Variants in IMPG1 observed in about 807,000 individuals in gnomAD.
IMPG1 encodes interphotoreceptor matrix proteoglycan 1.
In IMPG1, 85 loss-of-function variants were observed where a neutral mutation model predicts 92.0. The ratio of observed to expected loss-of-function variants is 0.92; its 90% CI spans 0.78 to 1.11. IMPG1 has a LOEUF of 1.11. IMPG1 is among the 50% of genes least tolerant of loss of function. The probability of loss-of-function intolerance (pLI) is 0.00; values close to 1 mark genes in which losing one functional copy is unlikely to be tolerated. For missense variants in IMPG1, 1,022 were observed against 956.0 expected, an observed-to-expected ratio of 1.07 and a Z score of -0.91; for synonymous variants, 367 against 334.1, an observed-to-expected ratio of 1.10 and a Z score of -1.08.
chr6:76,025,077 G>A (rs1306686146), intron 5 of IMPG1, 117 bp downstream of exon 5: 6 of 690,080 alleles, frequency 8.7e-6, no homozygotes, highest in South Asian at 5.0e-5. Flanking sequence ...ATATAAGCTA[G>A]TTTTGAGAAA....
chr6:76,061,808 A>T (rs1036789941), intron 1 of IMPG1, among the ~76,000 whole-genome samples: 1 of 152,202 alleles, frequency 6.6e-6, no homozygotes, highest in Non-Finnish European at 1.5e-5. Flanking sequence ...CACATATCAG[A>T]TGCAACTGGT....
At chr6:75,966,998 C>T (rs12663390) in intron 12 of IMPG1, among the ~76,000 whole-genome samples, 4,664 of 152,032 alleles carry the variant, frequency 0.031, 195 homozygotes, top group East Asian at 0.098. Context: ...GCCAACATGG[C>T]GAAAACCCAT....
chr6:75,924,694 A>T (rs369406883), intron 15 of IMPG1, among the ~76,000 whole-genome samples: 8,190 of 9,082 alleles, frequency 0.9, 3,689 homozygotes, highest in Middle Eastern at 1. Flanking sequence ...TTATATATAA[A>T]TAATTATATA....
At chr6:76,004,509 C>A (rs1230408260) in intron 10 of IMPG1, among the ~76,000 whole-genome samples, 1 of 152,130 alleles carries the variant, frequency 6.6e-6, no homozygotes, top group African/African-American at 2.4e-5. Flanking sequence ...GTTAAGAGTG[C>A]CTATCTTAGG....
Position 76,005,439 on chromosome 6 carries a change from T to C in IMPG1, c.983A>G (p.Asn328Ser). 6.2e-7 allele frequency: 1 copy of C among 1,614,060 alleles called. No homozygotes were observed. Among genetic ancestry groups the C allele is most frequent in the African/African-American group, 1.3e-5 (1 of 75,038 alleles). ...ATAGACTTCCTCACTTTCAATTTTGTTGGAATCAAAAGACAGGAGGTCACT... is the reference window on the plus strand; with the variant it reads ...ATAGACTTCCTCACTTTCAATTTTGCTGGAATCAAAAGACAGGAGGTCACT... Reference protein sequence around the residue: ...PASDLLSFDSNKIESEEVYHG... With the variant: ...PASDLLSFDSSKIESEEVYHG... The change falls in exon 10 of 17, where the codon AAC becomes AGC. Residue 328 changes from asparagine to serine, a missense_variant. By Grantham distance (46) the Asn-to-Ser change is conservative. Coordinates refer to ENST00000369950, the MANE Select transcript of IMPG1 (RefSeq NM_001563.4).
intron 1 of IMPG1, among the ~76,000 whole-genome samples, chr6:76,055,839 A>G (rs1562386435): frequency 6.6e-6 from 1 of 152,204 alleles, no homozygotes; most frequent in East Asian, 1.9e-4. Flanking sequence ...ATAAATTTGT[A>G]GAAACGTGTA....
chr6:75,924,490 T>TAATATA (rs1312742529), intron 15 of IMPG1, among the ~76,000 whole-genome samples: 46 of 81,806 alleles, frequency 5.6e-4, no homozygotes, highest in African/African-American at 2.6e-3. Context: ...TATTATAATA[T>TAATATA]AATATAATTA....
rs753153025 is a variant in IMPG1 at position 76,003,934 on chromosome 6, C to T, written c.1152G>A (p.Leu384=). The T allele has an allele frequency of 2.0e-5, 32 of 1,612,188 alleles. No homozygotes were observed. Among genetic ancestry groups the T allele is most frequent in the Non-Finnish European group, 2.6e-5 (31 of 1,179,198 alleles). The change falls in exon 11 of 17, where the codon CTG becomes CTA. Residue 384 remains leucine (L), a synonymous_variant. Coordinates refer to ENST00000369950, the MANE Select transcript of IMPG1 (RefSeq NM_001563.4). The stretch of plus-strand genomic sequence containing the variant: ...ATTGGGTGTCAGGACCAAAGGCTGG[C>T]AGTGATCCAGCAATTTCTATGGGTA... ...IQFTDEIAGS[L]PAFGPDTQSE...
intron 12 of IMPG1, among the ~76,000 whole-genome samples, chr6:75,974,482 CT>C (rs1170592548): frequency 1.3e-3 from 137 of 104,400 alleles, no homozygotes; most frequent in Middle Eastern, 5.1e-3. Flanking sequence ...TTTTTCTTTT[CT>C]TTTTTTTTTT....
chr6:76,041,828 A>G (rs1001132608), intron 2 of IMPG1, 65 bp downstream of exon 2: 4 of 1,079,520 alleles, frequency 3.7e-6, no homozygotes, highest in Admixed American at 3.6e-5. Flanking sequence ...AAGACAACCT[A>G]TGGATGAATG....
At chr6:75,963,753 A>T (rs1278335314) in intron 12 of IMPG1, among the ~76,000 whole-genome samples, 8 of 152,180 alleles carry the variant, frequency 5.3e-5, no homozygotes, top group African/African-American at 1.9e-4. Flanking sequence ...AGCCTTGAAA[A>T]TAACAGCCCT....
At chr6:75,939,590 C>A (rs868355151) in intron 14 of IMPG1, among the ~76,000 whole-genome samples, 4 of 152,158 alleles carry the variant, frequency 2.6e-5, no homozygotes, top group African/African-American at 9.7e-5. Context: ...TTTCTTAATC[C>A]AGTCTATCAT....
chr6:75,972,209 A>G (rs1782432884), intron 12 of IMPG1, among the ~76,000 whole-genome samples: 2 of 152,246 alleles, frequency 1.3e-5, no homozygotes, highest in East Asian at 1.9e-4. Flanking sequence ...CCCACTATAT[A>G]TTAGCAGTGT....
intron 1 of IMPG1, among the ~76,000 whole-genome samples, chr6:76,054,008 T>C (rs937129334): frequency 2.0e-5 from 3 of 152,170 alleles, no homozygotes; most frequent in African/African-American, 7.2e-5. Flanking sequence ...TATCAGTTCC[T>C]GCAGAAAAGT....
Position 76,018,821 on chromosome 6 carries a change from C to A in IMPG1, c.704G>T (p.Arg235Met). The stretch of plus-strand genomic sequence containing the variant: ...TACCAGAGAGACGCTGAGCTCCACC[C>A]TCTGCTCCTCCAACACAGCGAATTC... Reference protein sequence around the residue: ...ETEFAVLEEQRVELSVSLVNQ... With the variant: ...ETEFAVLEEQMVELSVSLVNQ... The change falls in exon 7 of 17, where the codon AGG becomes ATG. Residue 235 changes from arginine to methionine, a missense_variant. Around this residue, in one of 3 missense-constraint regions of IMPG1, gnomAD observed 681 missense variants for 583.6 expected, o/e 1.17. Transcript: ENST00000369950. The A allele has an allele frequency of 1.2e-6, 2 of 1,611,836 alleles. No individual in the cohort carries two copies. The highest frequency in any genetic ancestry group is 1.3e-5 in the African/African-American group (1 of 74,818).
chr6:75,956,366 T>A lies in IMPG1; in HGVS notation c.1292-5272A>T, dbSNP rs111352963. ...AGGAATTTATCCATTTTGTCTAGATTTTCTACTTTACTTGCGTAGAGGTGT... is the reference window on the plus strand; with the variant it reads ...AGGAATTTATCCATTTTGTCTAGATATTCTACTTTACTTGCGTAGAGGTGT... On this transcript the variant is annotated intron_variant, in intron 12 of 16. Coordinates refer to ENST00000369950, the MANE Select transcript of IMPG1 (RefSeq NM_001563.4). 1.3e-3 allele frequency among the ~76,000 whole-genome samples: 202 copies of A among 152,326 alleles called. 3 individuals carry two copies. Among genetic ancestry groups the A allele is most frequent in the African/African-American group, 3.2e-3 (131 of 41,566 alleles).
chr6:75,962,872 C>T (rs917810851), intron 12 of IMPG1, among the ~76,000 whole-genome samples: 3 of 152,052 alleles, frequency 2.0e-5, no homozygotes, highest in Non-Finnish European at 4.4e-5. Flanking sequence ...GAAACCCCAA[C>T]TCTACTAAAA....
chr6:76,018,669 C>A, intron 7 of IMPG1, 49 bp downstream of exon 7: 1 of 1,564,646 alleles, frequency 6.4e-7, no homozygotes, highest in Non-Finnish European at 8.7e-7. Flanking sequence ...TCGGCTCCCA[C>A]CTCTCAGTCA....
intron 8 of IMPG1, among the ~76,000 whole-genome samples, chr6:76,009,012 A>G (rs1783142066): frequency 6.6e-6 from 1 of 152,210 alleles, no homozygotes; most frequent in African/African-American, 2.4e-5. Context: ...CAACGAAGTT[A>G]TTTTGAGATG....
Sources: gnomAD v4.1 joint callset for allele counts (sites outside exome capture counted in the v4.1 genomes callset) on GRCh38, gnomAD v4.1.1 for gene constraint, gnomAD v4.1.1 regional missense constraint, MANE v1.5 for transcripts, NCBI Gene and HGNC (gene_info 2026-07-23, HGNC 2026-07-21) for gene names.